Variants in SSBP1 observed in about 807,000 individuals in gnomAD.
The protein encoded by SSBP1 is single-stranded DNA-binding protein, mitochondrial.
A neutral mutation model predicts 27.0 loss-of-function variants in SSBP1; 20 were observed. The ratio of observed to expected loss-of-function variants is 0.74; its 90% CI spans 0.52 to 1.08. The LOEUF (loss-of-function observed/expected upper bound fraction) is 1.08, where lower values mean the gene tolerates loss of function less well. Ranked by LOEUF, SSBP1 falls within the 50% of genes least tolerant of loss-of-function variation. SSBP1 has a pLI of 0.00. For missense variants in SSBP1, 137 were observed against 182.4 expected, an observed-to-expected ratio of 0.75 and a Z score of 1.44; for synonymous variants, 59 against 59.3, an observed-to-expected ratio of 1.00 and a Z score of 0.02.
rs1259795355 is a variant in SSBP1 at position 141,749,443 on chromosome 7, ACT to A, written c.404-865_404-864del. Reference sequence around the variant, plus strand: ...CTGATATTTTTGGATAAAAATGCTAACTCTGTGATGTTGATTCATAAAATGTT... The same window carrying A: ...CTGATATTTTTGGATAAAAATGCTAACTGTGATGTTGATTCATAAAATGTT... On this transcript the variant is annotated intron_variant, in intron 6 of 6. Transcript: ENST00000265304. 5.0e-4 allele frequency among the ~76,000 whole-genome samples: 76 copies of A among 152,220 alleles called. 4 individuals carry two copies. Among genetic ancestry groups the A allele is most frequent in the Non-Finnish European group, 7.3e-5 (5 of 68,044 alleles).
intron 6 of SSBP1, chr7:141,745,865 AC>A: frequency 8.9e-7 from 1 of 1,126,796 alleles, no homozygotes. Context: ...GTTGAGAATT[AC>A]AAAAACTCTG....
In SSBP1 at chr7:141,742,217, G is replaced by A. The variant is rs368827044; in HGVS notation, c.73G>A (p.Val25Ile). The A allele has an allele frequency of 6.2e-7, 1 of 1,603,110 alleles. No individual in the cohort carries two copies. Among genetic ancestry groups the A allele is most frequent in the African/African-American group, 1.3e-5 (1 of 74,844 alleles). The change falls in exon 3 of 7, where the codon GTT becomes ATT. Residue 25 changes from valine to isoleucine, a missense_variant. Transcript: ENST00000265304. The part of the protein sequence containing the change: ...RHESETTTSL[V>I]LERSLNRVHL... ...TGAGTCCGAAACAACTACCAGTTTG[G>A]TTCTTGAAAGATGTAAGTAGCTAAT...
intron 6 of SSBP1, 161 bp downstream of exon 6, chr7:141,745,745 GTT>G: frequency 6.6e-6 from 9 of 1,359,306 alleles, no homozygotes; most frequent in Non-Finnish European, 8.6e-6. Context: ...CTTGCTAAGA[GTT>G]TGTACATTTA....
At chr7:141,741,946 C>G in intron 2 of SSBP1, 1 of 585,298 alleles carries the variant, frequency 1.7e-6, no homozygotes, top group Non-Finnish European at 2.7e-6. Flanking sequence ...AGCATGCCTT[C>G]TAGTACCTTC....
chr7:141,749,550 G>A (rs974225368), intron 6 of SSBP1, among the ~76,000 whole-genome samples: 1 of 152,226 alleles, frequency 6.6e-6, no homozygotes, highest in South Asian at 2.1e-4. Flanking sequence ...GGGAGGCCAA[G>A]GCGGGCAGAT....
chr7:141,741,460 G>C (rs1263795543), intron 2 of SSBP1: 6 of 152,180 alleles, frequency 3.9e-5, no homozygotes, highest in Non-Finnish European at 8.8e-5. Flanking sequence ...ATGCCTGAGA[G>C]TAAGGCTTTG....
Position 141,749,068 on chromosome 7 carries a change from C to G in SSBP1, c.404-1243C>G, listed in dbSNP as rs547415933. 4.6e-5 allele frequency among the ~76,000 whole-genome samples: 7 copies of G among 152,040 alleles called. No homozygotes were observed. The East Asian group carries it at 1.4e-3, about 29-fold the overall frequency. ...CTTGTTTCTGCATCTGTGGATTCAA[C>G]CAAGCACAGATTGAATATATGTGAA... On this transcript the variant is annotated intron_variant, in intron 6 of 6. Coordinates refer to ENST00000265304, the MANE Select transcript of SSBP1 (RefSeq NM_003143.3).
intron 3 of SSBP1, among the ~76,000 whole-genome samples, chr7:141,743,139 C>T (rs1302855513): frequency 2.6e-5 from 4 of 152,210 alleles, no homozygotes; most frequent in Admixed American, 1.3e-4. Context: ...AGGCGTGAGC[C>T]ACCGCGCCCA....
chr7:141,738,373 T>G lies in SSBP1; in HGVS notation c.-81T>G, dbSNP rs1285077929. The G allele has an allele frequency of 6.6e-6, 1 of 152,346 alleles. No homozygotes were observed. The highest frequency in any genetic ancestry group is 2.4e-5 in the African/African-American group (1 of 41,414). The allele number at this position is 152,346 out of a possible 1,614,324, so 9.4% of individuals were successfully genotyped here. A position where few individuals can be genotyped will look rare whatever the true frequency, so the allele number is the denominator to read the frequency against. ...TGCGTTCCCTGTGCGCCGGAAGTGA[T>G]CCCCTGCGTGGCTGGGCTGCTCGGG... On this transcript the variant is annotated 5_prime_UTR_variant, in exon 1 of 7. Coordinates refer to ENST00000265304, the MANE Select transcript of SSBP1 (RefSeq NM_003143.3).
chr7:141,739,032 A>C, intron 1 of SSBP1, 92 bp from the exon 2 acceptor site: 1 of 669,618 alleles, frequency 1.5e-6, no homozygotes, highest in Non-Finnish European at 2.4e-6. Context: ...AGTGCATAAA[A>C]ATTATGAATA....
intron 6 of SSBP1, 152 bp downstream of exon 6, chr7:141,745,736 T>C: frequency 7.3e-7 from 1 of 1,375,022 alleles, no homozygotes; most frequent in South Asian, 2.0e-5. Flanking sequence ...ATTTCTCTAC[T>C]TGCTAAGAGT....
intron 6 of SSBP1, chr7:141,746,363 C>T (rs1799790495): frequency 6.6e-6 from 1 of 152,100 alleles, no homozygotes; most frequent in African/African-American, 2.4e-5. Flanking sequence ...TGTTTTGAGA[C>T]AGGGTCTCCC....
chr7:141,744,170 A>G (rs1799677136), intron 5 of SSBP1, among the ~76,000 whole-genome samples, 181 bp downstream of exon 5: 1 of 151,850 alleles, frequency 6.6e-6, no homozygotes, highest in South Asian at 2.1e-4. Context: ...ATGTGTGACT[A>G]ATTTGAAGAT....
intron 3 of SSBP1, among the ~76,000 whole-genome samples, chr7:141,742,640 A>G (rs1358503905): frequency 6.6e-6 from 1 of 152,160 alleles, no homozygotes; most frequent in Non-Finnish European, 1.5e-5. Flanking sequence ...TATCTTAAAG[A>G]ATTTAAGATC....
At chr7:141,742,268 G>T in intron 3 of SSBP1, 39 bp downstream of exon 3, 1 of 1,499,802 alleles carries the variant, frequency 6.7e-7, no homozygotes. Flanking sequence ...GTTATTTTTA[G>T]TAATTTGCCA....
At position 141,742,198 on chromosome 7, in the gene SSBP1, C is replaced by T. The variant is rs143728224; in HGVS notation, c.54C>T (p.Ser18=). 8.6e-5 allele frequency: 138 copies of T among 1,600,938 alleles called. 1 individual carries two copies. The highest frequency in any genetic ancestry group is 7.3e-4 in the African/African-American group (55 of 74,898). ...TTCGTCAGTTTGTAAGACATGAGTC[C>T]GAAACAACTACCAGTTTGGTTCTTG... ...QVLRQFVRHE[S]ETTTSLVLER... is the part of the protein sequence containing the mutation. Residue 18 remains serine, a synonymous_variant, in exon 3 of 7, where the codon TCC becomes TCT. Transcript: ENST00000265304.
intron 3 of SSBP1, 25 bp downstream of exon 3, chr7:141,742,254 A>C: frequency 6.4e-7 from 1 of 1,569,622 alleles, no homozygotes; most frequent in South Asian, 1.1e-5. Flanking sequence ...TCCAAGTTTA[A>C]AATGTTATTT....
intron 6 of SSBP1, chr7:141,745,816 A>T: frequency 1.6e-6 from 2 of 1,276,974 alleles, no homozygotes; most frequent in Non-Finnish European, 2.0e-6. Context: ...TAACTTTTGA[A>T]TAAAGCCTAA....
chr7:141,738,349 G>C (rs1799358300), upstream of SSBP1: 1 of 152,276 alleles, frequency 6.6e-6, no homozygotes, highest in African/African-American at 2.4e-5. Context: ...GGCGAGCTTT[G>C]CGTTCCCTGT....
Sources: allele counts gnomAD v4.1 joint callset (sites outside exome capture counted in the v4.1 genomes callset), GRCh38; gene constraint gnomAD v4.1.1; transcripts MANE v1.5; gene names NCBI Gene and HGNC (gene_info 2026-07-23, HGNC 2026-07-21).